Variants in PSIP1 observed in about 807,000 individuals in gnomAD.
PSIP1 encodes the protein PC4 and SRSF1 interacting protein 1, also known as PC4 and SFRS1-interacting protein.
Under a neutral mutation model 74.7 loss-of-function variants are expected in PSIP1, and 19 were observed. That is an observed-to-expected ratio of 0.25 (90% CI 0.18 to 0.37). PSIP1 has a LOEUF of 0.37. Among genes scored for constraint, PSIP1 ranks in the 10% least tolerant of loss-of-function variants. The pLI, the probability that PSIP1 is intolerant of heterozygous loss-of-function variation, is 1.00. For missense variants in PSIP1, 601 were observed against 614.3 expected, an observed-to-expected ratio of 0.98 and a Z score of 0.23; for synonymous variants, 222 against 195.3, an observed-to-expected ratio of 1.14 and a Z score of -1.14.
intron 3 of PSIP1, chr9:15,492,031 G>A (rs140132776): frequency 3.7e-4 from 56 of 152,330 alleles, no homozygotes; most frequent in African/African-American, 1.3e-3. Context: ...TGAGATTTGT[G>A]AGGGGACACA....
chr9:15,486,047 T>C lies in PSIP1; in HGVS notation c.415A>G (p.Ile139Val), dbSNP rs767924101. Residue 139 changes from isoleucine (I) to valine (V), a missense_variant, in exon 6 of 16, where the codon ATA becomes GTA. This residue lies in a region of PSIP1 where 538 missense variants were observed against 507.6 expected (regional missense o/e 1.06). Transcript: ENST00000380733. ...SNEDVTKAVD[I>V]TTPKAARRGR... The stretch of plus-strand genomic sequence containing the variant: ...CTTCTGGCAGCTTTTGGAGTAGTTA[T>C]GTCAACTGCTTTAGTCACATCCTAA... 2.5e-5 allele frequency: 40 copies of C among 1,609,072 alleles called. 1 individual carries two copies. The South Asian group carries it at 3.1e-4, about 12-fold the overall frequency.
chr9:15,465,522 A>G lies in PSIP1; in HGVS notation c.1591T>C (p.Ter531GlnextTer7), dbSNP rs759186338. ...ISLKDSTLDN[*>Q] is the part of the protein sequence containing the mutation. ...CTCTATATTCCAGGTATGTCAACCT[A>G]GTTATCTAGTGTAGAATCCTTCAGA... The change falls in exon 16 of 16, where the codon TAG becomes CAG. Residue 531 changes from the stop codon to glutamine, a stop_lost. Coordinates refer to ENST00000380733, the MANE Select transcript of PSIP1 (RefSeq NM_033222.5). The G allele has an allele frequency of 6.4e-7, 1 of 1,556,502 alleles. No homozygotes were observed. The highest frequency in any genetic ancestry group is 8.8e-7 in the Non-Finnish European group (1 of 1,135,062).
chr9:15,498,395 GAC>G (rs796118087), intron 3 of PSIP1, among the ~76,000 whole-genome samples: 7 of 152,130 alleles, frequency 4.6e-5, no homozygotes, highest in African/African-American at 1.7e-4. Flanking sequence ...CAGCCTGGGT[GAC>G]AGAGTGAGGC....
intron 14 of PSIP1, among the ~76,000 whole-genome samples, chr9:15,468,002 C>T (rs950924709): frequency 6.6e-6 from 1 of 151,936 alleles, no homozygotes. Context: ...TGCCTGTAAT[C>T]CCAGCTACTC....
At chr9:15,493,217 GTTCAGAGTT>G (rs1193257845) in intron 3 of PSIP1, among the ~76,000 whole-genome samples, 2 of 152,136 alleles carry the variant, frequency 1.3e-5, no homozygotes, top group Non-Finnish European at 2.9e-5. Context: ...TCTCTCTCAA[GTTCAGAGTT>G]CCACAGATCT....
intron 3 of PSIP1, among the ~76,000 whole-genome samples, chr9:15,501,587 G>A (rs1172415447): frequency 6.6e-6 from 1 of 152,038 alleles, no homozygotes. Flanking sequence ...TGAGGCTGGA[G>A]AGGTAAGCAT....
chr9:15,506,396 C>A, intron 3 of PSIP1, 165 bp downstream of exon 3: 1 of 481,248 alleles, frequency 2.1e-6, no homozygotes, highest in Admixed American at 3.5e-5. Flanking sequence ...AAACCTATAG[C>A]ATCTGTAAAC....
rs373520233 is a variant in PSIP1 at position 15,473,610 on chromosome 9, T to C, written c.858+399A>G. ...TTAAAAGCTCTTAAACTGGGCAGAT[T>C]AAGAAATACATAAATGGCCAGGTGT... On this transcript the variant is annotated intron_variant, in intron 9 of 15. Coordinates refer to ENST00000380733, the MANE Select transcript of PSIP1 (RefSeq NM_033222.5). Among the ~76,000 whole-genome samples, 5 of 152,250 alleles carry C rather than the reference T, an allele frequency of 3.3e-5. No individual in the cohort carries two copies. The East Asian group carries it at 7.7e-4, about 24-fold the overall frequency.
rs752438548 is a variant in PSIP1 at position 15,469,954 on chromosome 9, TTTC to T, written c.1014_1016del (p.Lys339del). 8.1e-6 allele frequency: 13 copies of T among 1,608,098 alleles called. No individual in the cohort carries two copies. Among genetic ancestry groups the T allele is most frequent in the Admixed American group, 3.3e-5 (2 of 59,978 alleles). Reference sequence around the variant, plus strand: ...ATAACTAACCTCGCTTCTTCTCCACTTTCTTAACTTCTGGCTTCTTTCCTTCAT... The same window carrying T: ...ATAACTAACCTCGCTTCTTCTCCACTTTAACTTCTGGCTTCTTTCCTTCAT... On this transcript the variant is annotated inframe_deletion, in exon 11 of 16. Coordinates refer to ENST00000380733, the MANE Select transcript of PSIP1 (RefSeq NM_033222.5).
Position 15,469,286 on chromosome 9 carries a change from A to C in PSIP1, c.1084T>G (p.Ser362Ala), listed in dbSNP as rs758281246. 3.8e-6 allele frequency: 6 copies of C among 1,567,986 alleles called. No individual in the cohort carries two copies. The highest frequency in any genetic ancestry group is 5.2e-6 in the Non-Finnish European group (6 of 1,150,452). Reference protein sequence around the residue: ...LQRIHAEIKNSLKIDNLDVNR... With the variant: ...LQRIHAEIKNALKIDNLDVNR... Reference sequence around the variant, plus strand: ...CTTACAAGATTATCAATTTTGAGTGAATTTTTAATCTCAGCATGTATCCTT... The same window carrying C: ...CTTACAAGATTATCAATTTTGAGTGCATTTTTAATCTCAGCATGTATCCTT... The change falls in exon 12 of 16, where the codon TCA (serine) becomes GCA (alanine). Residue 362 changes from serine to alanine, a missense_variant. This residue lies in a region of PSIP1 where 538 missense variants were observed against 507.6 expected (regional missense o/e 1.06). Transcript: ENST00000380733.
rs1587442149 is a variant in PSIP1, at chr9:15,464,684, C to T, written c.*836G>A. 3 of 198,158 alleles carry T rather than the reference C, an allele frequency of 1.5e-5. 1 individual carries two copies. The highest frequency in any genetic ancestry group is 2.1e-5 in the Non-Finnish European group (2 of 95,882). The allele number at this position is 198,158 out of a possible 1,614,324, so 12.3% of individuals were successfully genotyped here. A position where few individuals can be genotyped will look rare whatever the true frequency, so the allele number is the denominator to read the frequency against. On this transcript the variant is annotated 3_prime_UTR_variant, in exon 16 of 16. Coordinates refer to ENST00000380733, the MANE Select transcript of PSIP1 (RefSeq NM_033222.5). ...GACTTCCTAAAGACATTTTTAACAACATTCCTCAAAAATAAACTTACTTAG... is the reference window on the plus strand; with the variant it reads ...GACTTCCTAAAGACATTTTTAACAATATTCCTCAAAAATAAACTTACTTAG...
intron 3 of PSIP1, among the ~76,000 whole-genome samples, chr9:15,490,763 A>G (rs927920099): frequency 3.3e-5 from 5 of 152,032 alleles, no homozygotes; most frequent in African/African-American, 1.2e-4. Flanking sequence ...ATTAGCATTA[A>G]TCAACACATT....
intron 2 of PSIP1, among the ~76,000 whole-genome samples, chr9:15,508,262 T>G (rs886483755): frequency 6.6e-6 from 1 of 152,184 alleles, no homozygotes; most frequent in Non-Finnish European, 1.5e-5. Context: ...CTCTAAACTC[T>G]ACAGCAAAGA....
intron 3 of PSIP1, among the ~76,000 whole-genome samples, chr9:15,500,862 A>G (rs1182760446): frequency 2.0e-5 from 3 of 152,358 alleles, no homozygotes; most frequent in Non-Finnish European, 4.4e-5. Context: ...TCCCTGAATT[A>G]GCAAAGGTAA....
At position 15,510,095 on chromosome 9, in the gene PSIP1, G is replaced by C. The variant is rs2037787956; in HGVS notation, c.72+22C>G. The C allele has an allele frequency of 1.9e-6, 3 of 1,597,544 alleles. No individual in the cohort carries two copies. The African/African-American group carries it at 4.1e-5, about 22-fold the overall frequency. ...GGAGAGGAGGGTAGCACTGCTAAGC[G>C]CGAGGGCTACAAATCACTTACTCGA... On this transcript the variant is annotated intron_variant, in intron 2 of 15. Transcript: ENST00000380733.
intron 8 of PSIP1, among the ~76,000 whole-genome samples, chr9:15,477,114 T>C (rs141843640): frequency 3.3e-5 from 5 of 152,302 alleles, no homozygotes; most frequent in Non-Finnish European, 5.9e-5. Context: ...GAATTTCAGA[T>C]TTCCTAGGGA....
Position 15,506,721 on chromosome 9 carries a change from A to G in PSIP1, c.73-84T>C, listed in dbSNP as rs983265447. On this transcript the variant is annotated intron_variant, in intron 2 of 15. Coordinates refer to ENST00000380733, the MANE Select transcript of PSIP1 (RefSeq NM_033222.5). Reference sequence around the variant, plus strand: ...CTGAATAAACAAGAGCACAACATCCAAAAGGGTTCTGTTATAAAATGGGCC... The same window carrying G: ...CTGAATAAACAAGAGCACAACATCCGAAAGGGTTCTGTTATAAAATGGGCC... 4.5e-5 allele frequency: 46 copies of G among 1,027,366 alleles called. No homozygotes were observed. In the African/African-American group the frequency reaches 6.9e-4, roughly 15 times the overall value. 63.6% of individuals were successfully genotyped at this position (1,027,366 alleles called of 1,614,324 possible).
chr9:15,480,086 C>T (rs1418599260), intron 6 of PSIP1, among the ~76,000 whole-genome samples: 3 of 152,160 alleles, frequency 2.0e-5, no homozygotes, highest in Non-Finnish European at 2.9e-5. Flanking sequence ...ATTCTTATTT[C>T]CCGTAAGAAA....
chr9:15,470,268 G>A (rs1430872077), intron 10 of PSIP1, among the ~76,000 whole-genome samples: 7 of 152,076 alleles, frequency 4.6e-5, no homozygotes, highest in African/African-American at 1.7e-4. Context: ...GGACAAACAG[G>A]CCACAATGGG....
Sources: gnomAD v4.1 joint callset for allele counts (sites outside exome capture counted in the v4.1 genomes callset) on GRCh38, gnomAD v4.1.1 for gene constraint, gnomAD v4.1.1 regional missense constraint, MANE v1.5 for transcripts, NCBI Gene and HGNC (gene_info 2026-07-23, HGNC 2026-07-21) for gene names.